The following CPNE4 variants were observed in gnomAD, a reference collection of about 807,000 sequenced individuals.
CPNE4 encodes the protein copine-4.
In CPNE4, 25 loss-of-function variants were observed where a neutral mutation model predicts 67.9. The observed-to-expected ratio is 0.37, with a 90% confidence interval of 0.27 to 0.51. The LOEUF (loss-of-function observed/expected upper bound fraction) is 0.51. Ranked by LOEUF, CPNE4 falls within the 20% of genes least tolerant of loss-of-function variation. The probability of loss-of-function intolerance (pLI) is 0.93; values close to 1 mark genes in which losing one functional copy is unlikely to be tolerated. For missense variants in CPNE4, 464 were observed against 690.8 expected, an observed-to-expected ratio of 0.67 and a Z score of 3.68; for synonymous variants, 242 against 244.9, an observed-to-expected ratio of 0.99 and a Z score of 0.11.
At position 131,605,612 on chromosome 3, in the gene CPNE4, A is replaced by G. The variant is rs549749234; in HGVS notation, c.682-18030T>C. 3.3e-5 allele frequency among the ~76,000 whole-genome samples: 5 copies of G among 152,278 alleles called. No homozygotes were observed. In the South Asian group the frequency reaches 1.0e-3, roughly 32 times the overall value. On this transcript the variant is annotated intron_variant, in intron 7 of 15. Transcript: ENST00000429747. ...AATGACATGATCAGAGTAGCAATTT[A>G]GAAATACCACTCAGGCTGTTAAGTA...
intron 2 of CPNE4, among the ~76,000 whole-genome samples, chr3:131,750,663 T>C (rs12629816): frequency 0.31 from 47,421 of 151,962 alleles, 7,573 homozygotes; most frequent in South Asian, 0.42. Flanking sequence ...GTGTTACAAT[T>C]TTTGCCTCAA....
chr3:132,023,726 A>G (rs1417141092), intron 1 of CPNE4, among the ~76,000 whole-genome samples: 4 of 152,094 alleles, frequency 2.6e-5, no homozygotes, highest in Non-Finnish European at 5.9e-5. Flanking sequence ...TGACCTCGTG[A>G]TCCGCCCTCC....
At chr3:131,807,388 T>C (rs957421000) in intron 2 of CPNE4, among the ~76,000 whole-genome samples, 2 of 152,330 alleles carry the variant, frequency 1.3e-5, no homozygotes, top group Non-Finnish European at 1.5e-5. Context: ...AAAAAACATT[T>C]TGCTTTGGAG....
intron 2 of CPNE4, among the ~76,000 whole-genome samples, chr3:131,812,367 A>G (rs769122043): frequency 6.6e-6 from 1 of 152,028 alleles, no homozygotes. Flanking sequence ...GGAAGTGGAA[A>G]AAGTCAAAGA....
chr3:131,619,896 A>C (rs1180556818), intron 7 of CPNE4, among the ~76,000 whole-genome samples: 1 of 152,186 alleles, frequency 6.6e-6, no homozygotes, highest in Non-Finnish European at 1.5e-5. Context: ...AGGAAAGGGG[A>C]GGGATGGAAA....
At chr3:131,623,625 G>A (rs1372398128) in intron 7 of CPNE4, among the ~76,000 whole-genome samples, 1 of 152,222 alleles carries the variant, frequency 6.6e-6, no homozygotes, top group African/African-American at 2.4e-5. Flanking sequence ...TCTGTGTCAA[G>A]GCTGTTGTTA....
intron 1 of CPNE4, among the ~76,000 whole-genome samples, chr3:131,978,139 AAT>A (rs2072737385): frequency 2.5e-5 from 2 of 80,984 alleles, no homozygotes; most frequent in African/African-American, 1.2e-4. Context: ...TATTTATATA[AAT>A]ATATATAAAA....
chr3:131,915,455 A>G (rs2089148683), intron 1 of CPNE4, among the ~76,000 whole-genome samples: 1 of 152,208 alleles, frequency 6.6e-6, no homozygotes, highest in Non-Finnish European at 1.5e-5. Flanking sequence ...TCCTCTGATT[A>G]TTTCAAACAC....
chr3:131,825,196 TA>T (rs72231926), intron 2 of CPNE4, among the ~76,000 whole-genome samples: 4,790 of 151,834 alleles, frequency 0.032, 180 homozygotes, highest in South Asian at 0.094. Context: ...GAGCAGCAAA[TA>T]AAAAAAGTGG....
At chr3:131,703,544 T>G (rs1030629889) in intron 3 of CPNE4, among the ~76,000 whole-genome samples, 1 of 152,192 alleles carries the variant, frequency 6.6e-6, no homozygotes, top group Non-Finnish European at 1.5e-5. Flanking sequence ...AGCATGGGTC[T>G]TCAATTTTAG....
chr3:131,821,428 T>A (rs1422406486), intron 2 of CPNE4, among the ~76,000 whole-genome samples: 4 of 152,234 alleles, frequency 2.6e-5, no homozygotes, highest in Non-Finnish European at 5.9e-5. Context: ...TCTGGACAGA[T>A]GCTGTCCCTT....
chr3:131,639,966 T>A (rs183672515), intron 7 of CPNE4, among the ~76,000 whole-genome samples: 8 of 152,182 alleles, frequency 5.3e-5, no homozygotes, highest in Admixed American at 3.3e-4. Context: ...TATCCCTTTA[T>A]GATTAAAACC....
At position 131,880,005 on chromosome 3, in the gene CPNE4, A is replaced by G. The variant is rs182299191; in HGVS notation, c.180+25259T>C. Among the ~76,000 whole-genome samples, 7 of 152,300 alleles carry G rather than the reference A, an allele frequency of 4.6e-5. No individual in the cohort carries two copies. In the East Asian group the frequency reaches 1.3e-3, roughly 29 times the overall value. On this transcript the variant is annotated intron_variant, in intron 2 of 15. Coordinates refer to ENST00000429747, the MANE Select transcript of CPNE4 (RefSeq NM_130808.3). The stretch of plus-strand genomic sequence containing the variant: ...ATCCCCTACCCAAACCTTTAAAAAA[A>G]CATTGATTCATACATCTCTGTGTCC...
At chr3:132,014,021 C>T (rs1329128539) in intron 1 of CPNE4, among the ~76,000 whole-genome samples, 1 of 152,162 alleles carries the variant, frequency 6.6e-6, no homozygotes, top group African/African-American at 2.4e-5. Flanking sequence ...TGAGTTGAAG[C>T]TCAGCCAAAT....
At chr3:131,727,135 T>C (rs960823787) in intron 2 of CPNE4, among the ~76,000 whole-genome samples, 9 of 152,358 alleles carry the variant, frequency 5.9e-5, no homozygotes, top group South Asian at 4.1e-4. Context: ...GCACAAGGTA[T>C]TGAATGTCAG....
intron 1 of CPNE4, among the ~76,000 whole-genome samples, chr3:131,933,506 T>C (rs2071130566): frequency 6.6e-6 from 1 of 152,130 alleles, no homozygotes; most frequent in South Asian, 2.1e-4. Flanking sequence ...TACCACATAA[T>C]CCAGCAATCC....
chr3:131,794,137 C>T, intron 2 of CPNE4, among the ~76,000 whole-genome samples: 1 of 152,204 alleles, frequency 6.6e-6, no homozygotes, highest in East Asian at 1.9e-4. Flanking sequence ...AGGAATGACA[C>T]TTCTCCTTGG....
chr3:131,620,961 G>A (rs1236957539), intron 7 of CPNE4, among the ~76,000 whole-genome samples: 1 of 152,058 alleles, frequency 6.6e-6, no homozygotes, highest in Non-Finnish European at 1.5e-5. Context: ...TGTTACAGTA[G>A]CAATAGGAAA....
At chr3:131,890,433 GA>G (rs570583199) in intron 2 of CPNE4, among the ~76,000 whole-genome samples, 2,138 of 140,786 alleles carry the variant, frequency 0.015, 28 homozygotes, top group Middle Eastern at 0.041. Flanking sequence ...TTTTTTTTTA[GA>G]AAAAAAAAAC....
Sources: gnomAD v4.1 joint callset for allele counts (sites outside exome capture counted in the v4.1 genomes callset) on GRCh38, gnomAD v4.1.1 for gene constraint, MANE v1.5 for transcripts, NCBI Gene and HGNC (gene_info 2026-07-23, HGNC 2026-07-21) for gene names.